The following PACSIN1 variants were observed in gnomAD, a reference collection of about 807,000 sequenced individuals.
The protein encoded by PACSIN1 is protein kinase C and casein kinase substrate in neurons 1, also known as protein kinase C and casein kinase substrate in neurons protein 1.
In PACSIN1, 15 loss-of-function variants were observed where a neutral mutation model predicts 59.5. That is an observed-to-expected ratio of 0.25 (90% CI 0.17 to 0.39). PACSIN1 has a LOEUF of 0.39. Ranked by LOEUF, PACSIN1 falls within the 10% of genes least tolerant of loss-of-function variation. The probability of loss-of-function intolerance (pLI) is 1.00; values close to 1 mark genes in which losing one functional copy is unlikely to be tolerated. For missense variants in PACSIN1, 420 were observed against 580.2 expected (o/e 0.72, Z 2.84); for synonymous variants, 210 against 220.6 (o/e 0.95, Z 0.42).
intron 1 of PACSIN1, among the ~76,000 whole-genome samples, chr6:34,466,497 T>C (rs1301651474): frequency 6.6e-6 from 1 of 151,984 alleles, no homozygotes; most frequent in Non-Finnish European, 1.5e-5. Context: ...CTGCGCTGGG[T>C]CCCTTGGGGG....
At chr6:34,520,157 C>T (rs541825662) in intron 1 of PACSIN1, among the ~76,000 whole-genome samples, 1 of 152,174 alleles carries the variant, frequency 6.6e-6, no homozygotes, top group Non-Finnish European at 1.5e-5. Context: ...GGCAGAGGCT[C>T]TAGTGGACAC....
In PACSIN1 at chr6:34,530,682, A is replaced by G; in HGVS notation, c.1037+95A>G. Reference sequence around the variant, plus strand: ...CAGAAGACAAGAAATGGTCTAGATCATAGCAACTATGTCTCCTCTCTAAAA... The same window carrying G: ...CAGAAGACAAGAAATGGTCTAGATCGTAGCAACTATGTCTCCTCTCTAAAA... On this transcript the variant is annotated intron_variant, in intron 8 of 9. Transcript: ENST00000244458. The surrounding 1 kb of genome is among the most constrained non-coding windows in gnomAD (Gnocchi z 4.4). 2 of 1,251,334 alleles carry G rather than the reference A, an allele frequency of 1.6e-6. No homozygotes were observed. The highest frequency in any genetic ancestry group is 2.1e-6 in the Non-Finnish European group (2 of 943,234). The allele number at this position is 1,251,334 out of a possible 1,614,324, so 77.5% of individuals were successfully genotyped here.
intron 1 of PACSIN1, among the ~76,000 whole-genome samples, chr6:34,490,066 C>T (rs1372787113): frequency 6.8e-6 from 1 of 146,918 alleles, no homozygotes; most frequent in Non-Finnish European, 1.5e-5. Context: ...CTTGGATGTT[C>T]TCTCTTGTTT....
intron 1 of PACSIN1, among the ~76,000 whole-genome samples, chr6:34,482,071 T>TTTTTTTG (rs530744069): frequency 4.6e-5 from 7 of 152,232 alleles, no homozygotes; most frequent in East Asian, 1.9e-4. Context: ...TCTTTTTTTG[T>TTTTTTTG]TTTTTTGTTT....
In PACSIN1 at chr6:34,529,021, G is replaced by A; in HGVS notation, c.456+144G>A. On this transcript the variant is annotated intron_variant, in intron 4 of 9. Coordinates refer to ENST00000244458, the MANE Select transcript of PACSIN1 (RefSeq NM_020804.5). This position sits in a 1 kb window ranked among gnomAD's most constrained non-coding sequence, Gnocchi z 6.3. Reference sequence around the variant, plus strand: ...CACAGGGGAGCAGCACTGCCTTCCAGGAAAAAATATTCACAGATGGGTAGG... The same window carrying A: ...CACAGGGGAGCAGCACTGCCTTCCAAGAAAAAATATTCACAGATGGGTAGG... 4.4e-6 allele frequency: 3 copies of A among 675,986 alleles called. No individual in the cohort carries two copies. The highest frequency in any genetic ancestry group is 7.5e-6 in the Non-Finnish European group (3 of 401,446). The allele number at this position is 675,986 out of a possible 1,614,324, so 41.9% of individuals were successfully genotyped here. A position where few individuals can be genotyped will look rare whatever the true frequency, so the allele number is the denominator to read the frequency against.
chr6:34,490,553 G>A (rs578157167), intron 1 of PACSIN1, among the ~76,000 whole-genome samples: 119 of 152,172 alleles, frequency 7.8e-4, no homozygotes, highest in African/African-American at 2.6e-3. Context: ...ATGACCGAGC[G>A]CCGCCACCTG....
rs755082130 is a variant in PACSIN1, at chr6:34,531,660, G to A, written c.1098G>A (p.Gly366=). 22 of 1,613,904 alleles carry A rather than the reference G, an allele frequency of 1.4e-5. No homozygotes were observed. The highest frequency in any genetic ancestry group is 1.8e-5 in the Non-Finnish European group (21 of 1,180,034). ...YATEWSDDES[G]NPFGGSETNG... is the part of the protein sequence containing the mutation. ...CCGAGTGGTCAGACGACGAGAGTGG[G>A]AACCCCTTTGGGGGCAGTGAGACCA... The change falls in exon 9 of 10, where the codon GGG becomes GGA. Residue 366 remains glycine (G), a synonymous_variant. Transcript: ENST00000244458. This position sits in a 1 kb window ranked among gnomAD's most constrained non-coding sequence, Gnocchi z 4.4.
intron 1 of PACSIN1, among the ~76,000 whole-genome samples, chr6:34,470,926 G>A (rs531428144): frequency 6.6e-6 from 1 of 152,084 alleles, no homozygotes; most frequent in East Asian, 1.9e-4. Flanking sequence ...TTAACTAGGT[G>A]TCCTGAATTT....
intron 1 of PACSIN1, among the ~76,000 whole-genome samples, chr6:34,517,663 C>A (rs971872421): frequency 4.7e-4 from 72 of 151,856 alleles, no homozygotes; most frequent in African/African-American, 1.5e-3. Context: ...GGCCTTTGCT[C>A]CAAGGCCACC....
intron 1 of PACSIN1, among the ~76,000 whole-genome samples, chr6:34,468,843 G>C (rs77013260): frequency 0.018 from 2,815 of 152,330 alleles, 48 homozygotes; most frequent in African/African-American, 0.047. Context: ...TCTGTGTGCT[G>C]TTTCCGGTGG....
intron 1 of PACSIN1, among the ~76,000 whole-genome samples, chr6:34,486,371 C>T (rs748770911): frequency 8.5e-5 from 13 of 152,224 alleles, no homozygotes; most frequent in Admixed American, 5.2e-4. Context: ...CCATCATCCC[C>T]GCTTTGAAGA....
At chr6:34,526,621 C>G (rs1010195522) in intron 2 of PACSIN1, among the ~76,000 whole-genome samples, 2 of 152,206 alleles carry the variant, frequency 1.3e-5, no homozygotes, top group Admixed American at 6.5e-5. Context: ...GGGAACAGGC[C>G]CTTTGTGACT....
chr6:34,501,728 G>A (rs556869813), intron 1 of PACSIN1, among the ~76,000 whole-genome samples: 2 of 152,172 alleles, frequency 1.3e-5, no homozygotes, highest in Non-Finnish European at 2.9e-5. Context: ...CAGAAAGGTA[G>A]GTTATTAAAA....
chr6:34,522,756 C>T lies in PACSIN1; in HGVS notation c.-63-3487C>T, dbSNP rs994954852. The stretch of plus-strand genomic sequence containing the variant: ...GGGCCATGGGGTAACTCTCAATCTG[C>T]GGCCAAAGGCCTGAGGACCTCAGGG... On this transcript the variant is annotated intron_variant, in intron 1 of 9. Transcript: ENST00000244458. Among the ~76,000 whole-genome samples the T allele has an allele frequency of 4.6e-5, 7 of 152,184 alleles. No individual in the cohort carries two copies. The East Asian group carries it at 5.8e-4, about 13-fold the overall frequency.
At chr6:34,495,168 G>A (rs978331885) in intron 1 of PACSIN1, among the ~76,000 whole-genome samples, 2 of 152,122 alleles carry the variant, frequency 1.3e-5, no homozygotes, top group African/African-American at 2.4e-5. Flanking sequence ...AGCTGAGTGC[G>A]CTTATTTATA....
Position 34,532,709 on chromosome 6 carries a change from C to A in PACSIN1, c.*179C>A. The A allele has an allele frequency of 1.7e-6, 1 of 582,368 alleles. No individual in the cohort carries two copies. The highest frequency in any genetic ancestry group is 3.1e-6 in the Non-Finnish European group (1 of 325,428). 36.1% of individuals were successfully genotyped at this position (582,368 alleles called of 1,614,324 possible). A position where few individuals can be genotyped will look rare whatever the true frequency, so the allele number is the denominator to read the frequency against. On this transcript the variant is annotated 3_prime_UTR_variant, in exon 10 of 10. Coordinates refer to ENST00000244458, the MANE Select transcript of PACSIN1 (RefSeq NM_020804.5). The surrounding 1 kb of genome is among the most constrained non-coding windows in gnomAD (Gnocchi z 5.2). ...AGAGACAGAGCATTTGCAGGGCCAC[C>A]TGGAGGCTGGGGTGCTGGGGCTTGG...
At chr6:34,527,097 G>A (rs1401074284) in intron 2 of PACSIN1, among the ~76,000 whole-genome samples, 1 of 152,060 alleles carries the variant, frequency 6.6e-6, no homozygotes, top group African/African-American at 2.4e-5. Context: ...AAATTGGGGT[G>A]AGGGTGCGTG....
rs1414974732 is a variant in PACSIN1 at position 34,514,494 on chromosome 6, C to A, written c.-63-11749C>A. Among the ~76,000 whole-genome samples, 1 of 152,138 alleles carries A rather than the reference C, an allele frequency of 6.6e-6. No individual in the cohort carries two copies. The highest frequency in any genetic ancestry group is 1.5e-5 in the Non-Finnish European group (1 of 68,046). On this transcript the variant is annotated intron_variant, in intron 1 of 9. Transcript: ENST00000244458. This position sits in a 1 kb window ranked among gnomAD's most constrained non-coding sequence, Gnocchi z 4.4. ...AAACAAATAGAAATGCTTCACCCAG[C>A]AGCAAGCGCTTAGATTTTAAGGACC...
At chr6:34,487,927 T>G (rs1171287101) in intron 1 of PACSIN1, among the ~76,000 whole-genome samples, 2 of 152,134 alleles carry the variant, frequency 1.3e-5, no homozygotes, top group Non-Finnish European at 2.9e-5. Context: ...TCTGAGCCCT[T>G]ATAATAATTC....
Sources: allele counts gnomAD v4.1 joint callset (sites outside exome capture counted in the v4.1 genomes callset), GRCh38; gene constraint gnomAD v4.1.1; non-coding constraint Gnocchi (gnomAD v3.1); transcripts MANE v1.5; gene names NCBI Gene and HGNC (gene_info 2026-07-23, HGNC 2026-07-21).